NPAS3: variants seen among roughly 807,000 people sequenced by gnomAD.
NPAS3 encodes the protein neuronal PAS domain-containing protein 3.
A neutral mutation model predicts 73.1 loss-of-function variants in NPAS3; 14 were observed. The observed-to-expected ratio is 0.19, with a 90% CI of 0.13 to 0.30. The LOEUF is 0.30. Ranked by LOEUF, NPAS3 falls within the 10% of genes least tolerant of loss-of-function variation. NPAS3 has a pLI of 1.00. For synonymous variants in NPAS3, 620 were observed against 541.5 expected (o/e 1.14, Z -2.01); for missense variants, 1,096 against 1,250.0 (o/e 0.88, Z 1.86).
At chr14:33,282,935 C>G (rs998084724) in intron 3 of NPAS3, among the ~76,000 whole-genome samples, 13 of 152,088 alleles carry the variant, frequency 8.5e-5, no homozygotes, top group African/African-American at 3.1e-4. Context: ...GAAGCCTAAC[C>G]CTGTTCCTTT....
Position 33,521,513 on chromosome 14 carries a change from TAA to T in NPAS3, c.469-38590_469-38589del, listed in dbSNP as rs35106729. Among the ~76,000 whole-genome samples, 923 of 133,016 alleles carry T rather than the reference TAA, an allele frequency of 6.9e-3. 8 individuals are homozygous for T. Among genetic ancestry groups the T allele is most frequent in the Middle Eastern group, 0.012 (3 of 246 alleles). 87.3% of individuals were successfully genotyped at this position (133,016 alleles called of 152,430 possible). The stretch of plus-strand genomic sequence containing the variant: ...GATGATTTGGAGAGATGATCTGCTT[TAA>T]AAAAAAAAAAAAAAAAAGGCACATT... On this transcript the variant is annotated intron_variant, in intron 4 of 11. Coordinates refer to ENST00000356141, the Ensembl canonical transcript of NPAS3.
chr14:33,203,621 C>T (rs2046707012), intron 2 of NPAS3, among the ~76,000 whole-genome samples: 1 of 152,078 alleles, frequency 6.6e-6, no homozygotes, highest in African/African-American at 2.4e-5. Flanking sequence ...TGGTTTCCAG[C>T]TTCATCCATG....
At chr14:33,212,742 T>G (rs1279066119) in intron 2 of NPAS3, among the ~76,000 whole-genome samples, 1 of 152,350 alleles carries the variant, frequency 6.6e-6, no homozygotes, top group South Asian at 2.1e-4. Flanking sequence ...TTGCTTAATC[T>G]TCTACTTTGC....
chr14:33,088,112 G>A lies in NPAS3; in HGVS notation c.140+32118G>A, dbSNP rs558551419. Among the ~76,000 whole-genome samples the A allele has an allele frequency of 7.2e-5, 11 of 152,312 alleles. No individual in the cohort carries two copies. The East Asian group carries it at 1.4e-3, about 19-fold the overall frequency. On this transcript the variant is annotated intron_variant, in intron 2 of 11. Transcript: ENST00000356141. ...CCAGTCTACAGTTCCTAGTGTGAGC[G>A]ACACAGAAGATGGGGGATTTCTGCA...
At chr14:33,166,746 T>C (rs2045172150) in intron 2 of NPAS3, among the ~76,000 whole-genome samples, 1 of 152,182 alleles carries the variant, frequency 6.6e-6, no homozygotes. Context: ...GATGAGATGG[T>C]ACACATACGA....
At chr14:33,595,885 T>C (rs2057227108) in intron 5 of NPAS3, among the ~76,000 whole-genome samples, 1 of 152,164 alleles carries the variant, frequency 6.6e-6, no homozygotes. Flanking sequence ...TTAGCCAGGA[T>C]GGTCTCGATC....
intron 4 of NPAS3, among the ~76,000 whole-genome samples, chr14:33,469,616 T>C (rs1265142086): frequency 6.6e-6 from 1 of 152,036 alleles, no homozygotes; most frequent in Non-Finnish European, 1.5e-5. Flanking sequence ...AAGGAAAAAA[T>C]GTTCTTCTTT....
intron 2 of NPAS3, among the ~76,000 whole-genome samples, chr14:33,089,106 A>G (rs147336487): frequency 6.6e-6 from 1 of 152,116 alleles, no homozygotes; most frequent in South Asian, 2.1e-4. Context: ...CCCCCTCCAA[A>G]GGAACGCAGC....
chr14:32,967,805 A>T (rs1382656679), intron 1 of NPAS3, among the ~76,000 whole-genome samples: 1 of 152,110 alleles, frequency 6.6e-6, no homozygotes, highest in Non-Finnish European at 1.5e-5. Context: ...AAACGGTAGT[A>T]TCATATGATC....
intron 2 of NPAS3, among the ~76,000 whole-genome samples, chr14:33,147,933 A>G (rs1026166577): frequency 6.6e-6 from 1 of 151,982 alleles, no homozygotes; most frequent in African/African-American, 2.4e-5. Context: ...TTTTGTACAT[A>G]CACACATTAA....
At chr14:33,260,236 CT>C (rs1315975120) in intron 3 of NPAS3, among the ~76,000 whole-genome samples, 1 of 152,048 alleles carries the variant, frequency 6.6e-6, no homozygotes, top group African/African-American at 2.4e-5. Flanking sequence ...ATAGAGTAAA[CT>C]TAGATTTTTG....
Position 33,168,110 on chromosome 14 carries a change from G to A in NPAS3, c.141-47072G>A, listed in dbSNP as rs566857273. On this transcript the variant is annotated intron_variant, in intron 2 of 11. Transcript: ENST00000356141. ...GGCTCTCTGAGCATTTGGGAGCAGCGTAGCTACGGAAGAGCCCAAGATTGC... is the reference window on the plus strand; with the variant it reads ...GGCTCTCTGAGCATTTGGGAGCAGCATAGCTACGGAAGAGCCCAAGATTGC... Among the ~76,000 whole-genome samples, 11 of 152,272 alleles carry A rather than the reference G, an allele frequency of 7.2e-5. No homozygotes were observed. In the South Asian group the frequency reaches 1.9e-3, roughly 26 times the overall value.
At chr14:33,258,738 C>A (rs1036710627) in intron 3 of NPAS3, among the ~76,000 whole-genome samples, 1 of 152,180 alleles carries the variant, frequency 6.6e-6, no homozygotes, top group Admixed American at 6.5e-5. Flanking sequence ...CTCTTTACCT[C>A]TCATTATAAA....
rs572477657 is a variant in NPAS3 at position 32,945,814 on chromosome 14, T to G, written c.50+6448T>G. ...AGCATCGTTACCTCACCCTTTACTA[T>G]CCCAGTAGTTTTGTGGGCAAGCTCC... On this transcript the variant is annotated intron_variant, in intron 1 of 11. Coordinates refer to ENST00000356141, the Ensembl canonical transcript of NPAS3. Among the ~76,000 whole-genome samples, 18 of 152,304 alleles carry G rather than the reference T, an allele frequency of 1.2e-4. No individual in the cohort carries two copies. In the East Asian group the frequency reaches 3.5e-3, roughly 29 times the overall value.
rs531509572 is a variant in NPAS3 at position 33,414,766 on chromosome 14, A to G, written c.468+47498A>G. On this transcript the variant is annotated intron_variant, in intron 4 of 11. Coordinates refer to ENST00000356141, the Ensembl canonical transcript of NPAS3. ...GACAACTTGAAGGCACTGGGGTTAG[A>G]TCGCCTAGTGGTGGGTAGGGTGGTT... is the stretch of plus-strand genomic sequence containing the variant. 3.0e-4 allele frequency among the ~76,000 whole-genome samples: 45 copies of G among 152,258 alleles called. 2 individuals are homozygous for G. The South Asian group carries it at 9.3e-3, about 32-fold the overall frequency.
At chr14:33,052,194 G>C (rs1820272245) in intron 1 of NPAS3, among the ~76,000 whole-genome samples, 1 of 152,172 alleles carries the variant, frequency 6.6e-6, no homozygotes, top group South Asian at 2.1e-4. Context: ...AGTGGCAAAG[G>C]ATCCCTGTTG....
chr14:32,935,703 TA>T (rs1471198024), upstream of NPAS3, among the ~76,000 whole-genome samples: 7 of 152,212 alleles, frequency 4.6e-5, no homozygotes, highest in African/African-American at 1.7e-4. Flanking sequence ...AGATTTTTCT[TA>T]AAAATTACGT....
intron 4 of NPAS3, among the ~76,000 whole-genome samples, chr14:33,395,937 G>T (rs1422126534): frequency 2.0e-5 from 3 of 152,116 alleles, no homozygotes; most frequent in Admixed American, 6.6e-5. Context: ...AGGCCCAGCG[G>T]TTCCTTCCTA....
At chr14:33,001,072 T>C (rs1595193355) in intron 1 of NPAS3, among the ~76,000 whole-genome samples, 1 of 152,272 alleles carries the variant, frequency 6.6e-6, no homozygotes, top group South Asian at 2.1e-4. Flanking sequence ...AAATCAAAGG[T>C]TACTTTTTTA....
Sources: gnomAD v4.1 joint callset for allele counts (sites outside exome capture counted in the v4.1 genomes callset) on GRCh38, gnomAD v4.1.1 for gene constraint, MANE v1.5 for transcripts, NCBI Gene and HGNC (gene_info 2026-07-23, HGNC 2026-07-21) for gene names.